The following MACROD2 variants were observed in gnomAD, a reference collection of about 807,000 sequenced individuals.
The protein encoded by MACROD2 is ADP-ribose glycohydrolase MACROD2.
In MACROD2, 36 loss-of-function variants were observed where a neutral mutation model predicts 70.4. The ratio of observed to expected loss-of-function variants is 0.51; its 90% CI spans 0.39 to 0.68. MACROD2 has a LOEUF of 0.68. MACROD2 is among the 30% of genes least tolerant of loss of function. MACROD2 has a pLI of 0.00. For synonymous variants in MACROD2, 172 were observed against 178.8 expected (o/e 0.96, Z 0.30); for missense variants, 496 against 538.4 (o/e 0.92, Z 0.78).
chr20:15,769,655 AAATC>A (rs1306408189), intron 8 of MACROD2, among the ~76,000 whole-genome samples: 1 of 152,172 alleles, frequency 6.6e-6, no homozygotes, highest in Non-Finnish European at 1.5e-5. Flanking sequence ...AGCTCCATTA[AAATC>A]TTATAGGAAT....
At chr20:15,537,104 A>G (rs905912860) in intron 8 of MACROD2, among the ~76,000 whole-genome samples, 1 of 152,178 alleles carries the variant, frequency 6.6e-6, no homozygotes, top group Admixed American at 6.5e-5. Context: ...ACCCAGTCGG[A>G]CATAATTGAA....
At chr20:14,148,897 C>T (rs2054976171) in intron 3 of MACROD2, among the ~76,000 whole-genome samples, 2 of 152,194 alleles carry the variant, frequency 1.3e-5, no homozygotes, top group African/African-American at 4.8e-5. Context: ...TTCTGCTGAT[C>T]TCTTCTCTCC....
intron 3 of MACROD2, among the ~76,000 whole-genome samples, chr20:14,254,162 A>C (rs2082034841): frequency 6.6e-6 from 1 of 152,066 alleles, no homozygotes; most frequent in East Asian, 1.9e-4. Flanking sequence ...TTTATTAGTG[A>C]ATTATTATTC....
intron 8 of MACROD2, among the ~76,000 whole-genome samples, chr20:15,565,293 C>G (rs532082395): frequency 6.6e-6 from 1 of 152,164 alleles, no homozygotes. Context: ...GAGGTAAACA[C>G]GCAAGGAGTC....
intron 8 of MACROD2, among the ~76,000 whole-genome samples, chr20:15,699,617 C>T (rs895248219): frequency 6.6e-6 from 1 of 152,126 alleles, no homozygotes; most frequent in African/African-American, 2.4e-5. Flanking sequence ...GCCACAGCCC[C>T]GAGTTTGTTT....
intron 2 of MACROD2, among the ~76,000 whole-genome samples, chr20:14,021,995 T>TA (rs746788887): frequency 1.2e-4 from 18 of 152,198 alleles, no homozygotes; most frequent in Non-Finnish European, 2.1e-4. Context: ...TGTTTTGACT[T>TA]ACATGTCTTG....
intron 7 of MACROD2, among the ~76,000 whole-genome samples, chr20:15,433,329 A>G (rs1216805658): frequency 6.6e-6 from 1 of 151,880 alleles, no homozygotes; most frequent in Non-Finnish European, 1.5e-5. Flanking sequence ...AAAGCTCCTC[A>G]ATCTGATAAA....
intron 5 of MACROD2, among the ~76,000 whole-genome samples, chr20:14,832,973 G>A (rs1428533830): frequency 2.6e-5 from 4 of 152,104 alleles, no homozygotes; most frequent in Admixed American, 1.3e-4. Context: ...TATCTAAGTA[G>A]CACTGTTCAA....
At chr20:15,883,385 T>C (rs6135587) in intron 9 of MACROD2, among the ~76,000 whole-genome samples, 7,227 of 152,162 alleles carry the variant, frequency 0.047, 352 homozygotes, top group East Asian at 0.24. Flanking sequence ...GGTTAGAAAA[T>C]TATATTTCTA....
chr20:15,040,284 C>T (rs2075345481), intron 5 of MACROD2, among the ~76,000 whole-genome samples: 1 of 150,058 alleles, frequency 6.7e-6, no homozygotes, highest in South Asian at 2.1e-4. Context: ...CACTGCACTC[C>T]AGCCTGGGCG....
intron 4 of MACROD2, among the ~76,000 whole-genome samples, chr20:14,575,433 T>C (rs1440815596): frequency 2.0e-5 from 3 of 152,164 alleles, no homozygotes; most frequent in Non-Finnish European, 4.4e-5. Flanking sequence ...TCTTGAGATA[T>C]GAGGATGAAA....
intron 2 of MACROD2, among the ~76,000 whole-genome samples, chr20:14,051,429 A>G (rs773742621): frequency 1.4e-4 from 22 of 152,074 alleles, no homozygotes; most frequent in African/African-American, 4.1e-4. Flanking sequence ...TCCTTCCCCT[A>G]TTATTCCTGG....
chr20:15,917,620 G>A (rs946908609), intron 10 of MACROD2, among the ~76,000 whole-genome samples: 11 of 152,120 alleles, frequency 7.2e-5, no homozygotes, highest in African/African-American at 1.9e-4. Flanking sequence ...AGCATGCCTC[G>A]TGAATGACAT....
At chr20:14,819,031 G>A (rs532635962) in intron 5 of MACROD2, among the ~76,000 whole-genome samples, 11 of 151,750 alleles carry the variant, frequency 7.2e-5, no homozygotes, top group African/African-American at 2.7e-4. Flanking sequence ...TTGGGAGGCC[G>A]AGGTGGGTGG....
rs1279284483 is a variant in MACROD2, at chr20:15,203,740, AACAC to A, written c.419-26196_419-26193del. 1.3e-4 allele frequency among the ~76,000 whole-genome samples: 20 copies of A among 152,134 alleles called. 1 individual carries two copies. Among genetic ancestry groups the A allele is most frequent in the Admixed American group, 1.2e-3 (19 of 15,274 alleles). On this transcript the variant is annotated intron_variant, in intron 5 of 17. Coordinates refer to ENST00000684519, the MANE Select transcript of MACROD2 (RefSeq NM_001351661.2). ...TGTTTCATGAATAAACATCATTAAA[AACAC>A]ACAGCCATTACATAGCAGTTTTTCA...
At chr20:15,541,215 A>T (rs1332920738) in intron 8 of MACROD2, among the ~76,000 whole-genome samples, 1 of 152,204 alleles carries the variant, frequency 6.6e-6, no homozygotes. Context: ...GACTGGACTT[A>T]AACAATTCTA....
chr20:15,772,084 CAAAAAAAAA>C (rs753205618), intron 8 of MACROD2, among the ~76,000 whole-genome samples: 42 of 70,710 alleles, frequency 5.9e-4, no homozygotes, highest in African/African-American at 2.0e-3. Context: ...GACTCGGTCT[CAAAAAAAAA>C]AAAAAAAAAT....
chr20:15,109,824 A>G (rs1457782501), intron 5 of MACROD2, among the ~76,000 whole-genome samples: 2 of 152,202 alleles, frequency 1.3e-5, no homozygotes, highest in Non-Finnish European at 2.9e-5. Flanking sequence ...GTTTAAATCA[A>G]ATATGCCAAA....
intron 6 of MACROD2, among the ~76,000 whole-genome samples, chr20:15,306,875 T>C (rs536502537): frequency 6.6e-6 from 1 of 152,284 alleles, no homozygotes; most frequent in Admixed American, 6.5e-5. Flanking sequence ...AGAGGTTTAC[T>C]TGACTCATGG....
Sources: gnomAD v4.1 joint callset for allele counts (sites outside exome capture counted in the v4.1 genomes callset) on GRCh38, gnomAD v4.1.1 for gene constraint, MANE v1.5 for transcripts, NCBI Gene and HGNC (gene_info 2026-07-23, HGNC 2026-07-21) for gene names.